Variants in OSBPL1A observed in about 807,000 individuals in gnomAD.
OSBPL1A encodes oxysterol binding protein like 1A, also known as oxysterol-binding protein-related protein 1.
In OSBPL1A, 80 loss-of-function variants were observed where a neutral mutation model predicts 137.1. The observed-to-expected ratio is 0.58, with a 90% CI of 0.49 to 0.70. OSBPL1A has a LOEUF of 0.70. Among genes scored for constraint, OSBPL1A ranks in the 30% least tolerant of loss-of-function variants. OSBPL1A has a pLI of 0.00. For synonymous variants in OSBPL1A, 365 were observed against 389.7 expected (o/e 0.94, Z 0.75); for missense variants, 970 against 1,129.4 (o/e 0.86, Z 2.02).
chr18:24,358,141 T>C, intron 4 of OSBPL1A: 1 of 380,194 alleles, frequency 2.6e-6, no homozygotes, highest in Non-Finnish European at 4.7e-6. Flanking sequence ...AGGTGTGTCC[T>C]GGTATTCTCT....
At chr18:24,369,490 G>T (rs1905442761) in intron 2 of OSBPL1A, among the ~76,000 whole-genome samples, 1 of 152,118 alleles carries the variant, frequency 6.6e-6, no homozygotes, top group African/African-American at 2.4e-5. Flanking sequence ...GTTATTCCAG[G>T]GGCCACTGCA....
At chr18:24,332,375 G>C (rs1293772368) in intron 7 of OSBPL1A, among the ~76,000 whole-genome samples, 6 of 103,498 alleles carry the variant, frequency 5.8e-5, no homozygotes, top group African/African-American at 2.5e-4. Context: ...AACAGAGAGA[G>C]ACTCTGTCTC....
chr18:24,362,754 T>C (rs1389244803), intron 4 of OSBPL1A, among the ~76,000 whole-genome samples: 2 of 152,348 alleles, frequency 1.3e-5, no homozygotes, highest in Middle Eastern at 3.4e-3. Flanking sequence ...AACTTTTAGC[T>C]ATGAAAGGAT....
rs568358069 is a variant in OSBPL1A at position 24,208,897 on chromosome 18, TTTCATTC to T, written c.1602-12704_1602-12698del. 2.5e-4 allele frequency among the ~76,000 whole-genome samples: 38 copies of T among 152,326 alleles called. 1 individual carries two copies. In the South Asian group the frequency reaches 7.9e-3, roughly 32 times the overall value. On this transcript the variant is annotated intron_variant, in intron 17 of 27. Coordinates refer to ENST00000319481, the MANE Select transcript of OSBPL1A (RefSeq NM_080597.4). ...GAATTTCTGATGTGCTCTAAATACC[TTTCATTC>T]TTCTGTCATTCTCTTCAAAAGACAC...
intron 13 of OSBPL1A, among the ~76,000 whole-genome samples, chr18:24,309,438 C>G (rs924377118): frequency 5.3e-5 from 8 of 152,172 alleles, no homozygotes; most frequent in African/African-American, 1.9e-4. Flanking sequence ...TCCACCTCAG[C>G]CTTTCCCTCA....
chr18:24,210,870 A>G (rs1251790932), intron 17 of OSBPL1A, among the ~76,000 whole-genome samples: 1 of 152,114 alleles, frequency 6.6e-6, no homozygotes, highest in Non-Finnish European at 1.5e-5. Flanking sequence ...ATCTATTGCT[A>G]TTTATCAAAT....
At chr18:24,173,276 T>A (rs746999043) in intron 21 of OSBPL1A, among the ~76,000 whole-genome samples, 1 of 151,962 alleles carries the variant, frequency 6.6e-6, no homozygotes, top group Non-Finnish European at 1.5e-5. Flanking sequence ...AGGGAGAGGA[T>A]CAGAAAAAAT....
intron 6 of OSBPL1A, 118 bp from the exon 7 acceptor site, chr18:24,333,204 G>T: frequency 8.8e-7 from 1 of 1,134,416 alleles, no homozygotes; most frequent in Non-Finnish European, 1.2e-6. Context: ...TGGCATCCAG[G>T]CTGTTAGTGG....
At chr18:24,351,284 G>A (rs1195973944) in intron 4 of OSBPL1A, among the ~76,000 whole-genome samples, 1 of 143,792 alleles carries the variant, frequency 7.0e-6, no homozygotes, top group Middle Eastern at 3.5e-3. Context: ...GGGAGGCAAA[G>A]GTTGCAGTGA....
At chr18:24,317,119 G>C in intron 11 of OSBPL1A, 30 bp downstream of exon 11, 1 of 1,610,554 alleles carries the variant, frequency 6.2e-7, no homozygotes, top group East Asian at 2.2e-5. Flanking sequence ...TTCACAGTTA[G>C]AGGAGCAAAT....
At chr18:24,288,182 A>T (rs72884889) in intron 14 of OSBPL1A, among the ~76,000 whole-genome samples, 19 of 152,366 alleles carry the variant, frequency 1.2e-4, no homozygotes, top group Non-Finnish European at 2.6e-4. Context: ...AACTACATGT[A>T]AAAGATGAGA....
At chr18:24,164,984 A>G (rs559620450) in intron 27 of OSBPL1A, 81 bp downstream of exon 27, 2 of 1,406,128 alleles carry the variant, frequency 1.4e-6, no homozygotes, top group South Asian at 2.4e-5. Context: ...CTCTGGGGTC[A>G]CAGTGTCTGG....
At chr18:24,239,086 T>C in intron 16 of OSBPL1A, 134 bp downstream of exon 16, 1 of 1,037,140 alleles carries the variant, frequency 9.6e-7, no homozygotes, top group Non-Finnish European at 1.4e-6. Flanking sequence ...GCTATACCAA[T>C]ACATCGCTAT....
At position 24,218,726 on chromosome 18, in the gene OSBPL1A, G is replaced by A. The variant is rs528778542; in HGVS notation, c.1601+6316C>T. The stretch of plus-strand genomic sequence containing the variant: ...CTCCCAAAGTGCTGGGATTATAGGC[G>A]TGAGCCACTGCGCCTGGCCCAACAT... On this transcript the variant is annotated intron_variant, in intron 17 of 27. Coordinates refer to ENST00000319481, the MANE Select transcript of OSBPL1A (RefSeq NM_080597.4). Among the ~76,000 whole-genome samples the A allele has an allele frequency of 3.3e-5, 5 of 151,968 alleles. No individual in the cohort carries two copies. In the South Asian group the frequency reaches 6.3e-4, roughly 19 times the overall value.
intron 25 of OSBPL1A, 31 bp from the exon 26 acceptor site, chr18:24,166,733 T>C: frequency 6.3e-7 from 1 of 1,599,768 alleles, no homozygotes; most frequent in Non-Finnish European, 8.5e-7. Flanking sequence ...GAAATTAAAA[T>C]ATGCCAAGGC....
chr18:24,198,564 T>C (rs375283531), intron 17 of OSBPL1A, among the ~76,000 whole-genome samples: 2 of 152,220 alleles, frequency 1.3e-5, no homozygotes, highest in African/African-American at 2.4e-5. Context: ...TTTTCTTCCG[T>C]AGGACACGCA....
intron 4 of OSBPL1A, chr18:24,357,326 A>G (rs2091554206): frequency 6.6e-6 from 1 of 152,218 alleles, no homozygotes; most frequent in South Asian, 2.1e-4. Flanking sequence ...ATGTTTTTAC[A>G]TAAGATGACA....
At chr18:24,285,503 GGC>G (rs1187422074) in intron 14 of OSBPL1A, among the ~76,000 whole-genome samples, 1 of 152,030 alleles carries the variant, frequency 6.6e-6, no homozygotes, top group Non-Finnish European at 1.5e-5. Context: ...TTTTACTTGT[GGC>G]ACAAGAAAAT....
chr18:24,223,541 T>C (rs1164509494), intron 17 of OSBPL1A, among the ~76,000 whole-genome samples: 1 of 152,134 alleles, frequency 6.6e-6, no homozygotes, highest in Non-Finnish European at 1.5e-5. Context: ...TCTTCCTTAG[T>C]GACCTGTCCT....
Sources: gnomAD v4.1 joint callset for allele counts (sites outside exome capture counted in the v4.1 genomes callset) on GRCh38, gnomAD v4.1.1 for gene constraint, MANE v1.5 for transcripts, NCBI Gene and HGNC (gene_info 2026-07-23, HGNC 2026-07-21) for gene names.